The following CCDC190 variants were observed in gnomAD, a reference collection of about 807,000 sequenced individuals.
CCDC190 encodes the protein coiled-coil domain containing 190.
A neutral mutation model predicts 13.1 loss-of-function variants in CCDC190; 10 were observed. The ratio of observed to expected loss-of-function variants is 0.77; its 90% confidence interval spans 0.47 to 1.30. CCDC190 has a LOEUF of 1.30. Among genes scored for constraint, CCDC190 ranks in the 50% most tolerant of loss-of-function variants. CCDC190 has a pLI of 0.00. For missense variants in CCDC190, 375 were observed against 354.3 expected, an observed-to-expected ratio of 1.06 and a Z score of -0.47; for synonymous variants, 136 against 127.2, an observed-to-expected ratio of 1.07 and a Z score of -0.47.
At chr1:162,864,351 A>G (rs1490682772), upstream of CCDC190, among the ~76,000 whole-genome samples, 2 of 152,186 alleles carry the variant, frequency 1.3e-5, no homozygotes, top group Non-Finnish European at 2.9e-5. Context: ...TCAACAACAG[A>G]CCTACAGTTC....
In CCDC190 at chr1:162,860,989, C is replaced by G; in HGVS notation, c.-13+19G>C. 3 of 979,834 alleles carry G rather than the reference C, an allele frequency of 3.1e-6. No individual in the cohort carries two copies. Among genetic ancestry groups the G allele is most frequent in the Non-Finnish European group, 3.6e-6 (3 of 824,810 alleles). 60.7% of individuals were successfully genotyped at this position (979,834 alleles called of 1,614,324 possible). A position where few individuals can be genotyped will look rare whatever the true frequency, so the allele number is the denominator to read the frequency against. ...GTATAACTAAACTTTTATTAAAGAA[C>G]AGGGCCAGTAGAACTTACCTCCAAA... is the stretch of plus-strand genomic sequence containing the variant. On this transcript the variant is annotated intron_variant, in intron 1 of 3. Transcript: ENST00000367912.
intron 1 of CCDC190, among the ~76,000 whole-genome samples, chr1:162,866,822 C>T (rs2102266889): frequency 6.6e-6 from 1 of 151,736 alleles, no homozygotes; most frequent in South Asian, 2.1e-4. Context: ...GAAAGAAACA[C>T]CAATATAATT....
chr1:162,857,816 G>T (rs1052025562), intron 2 of CCDC190, among the ~76,000 whole-genome samples: 1 of 152,152 alleles, frequency 6.6e-6, no homozygotes. Flanking sequence ...TGGGCACCTT[G>T]AGGGCAGAGA....
In CCDC190 at chr1:162,855,030, G is replaced by A. The variant is rs369176927; in HGVS notation, c.641C>T (p.Ala214Val). The A allele has an allele frequency of 1.2e-5, 19 of 1,613,924 alleles. No individual in the cohort carries two copies. The highest frequency in any genetic ancestry group is 1.7e-5 in the Admixed American group (1 of 60,008). The change falls in exon 4 of 4, where the codon GCT becomes GTT. Residue 214 changes from alanine (A) to valine (V), a missense_variant. Transcript: ENST00000367912. ...CADETRSKDV[A>V]LKPDGNTGKQ... The stretch of plus-strand genomic sequence containing the variant: ...TCCAGTGTTCCCATCTGGCTTTAGA[G>A]CAACATCTTTTGATCTGGTCTCATC...
At chr1:162,855,419 C>T (rs979338024) in intron 3 of CCDC190, 60 bp from the exon 4 acceptor site, 9 of 1,521,858 alleles carry the variant, frequency 5.9e-6, no homozygotes, top group South Asian at 1.3e-5. Context: ...TTCTTTAGAC[C>T]TTTCAACTTA....
chr1:162,855,836 C>A, intron 2 of CCDC190, 81 bp from the exon 3 acceptor site: 2 of 1,294,694 alleles, frequency 1.5e-6, no homozygotes, highest in Non-Finnish European at 2.1e-6. Flanking sequence ...CCCCCAGTAC[C>A]TTAGGGTGGG....
intron 2 of CCDC190, among the ~76,000 whole-genome samples, chr1:162,856,183 C>T (rs538709959): frequency 7.0e-4 from 107 of 152,172 alleles, no homozygotes; most frequent in African/African-American, 2.5e-3. Context: ...CCCTAGAAAA[C>T]TAATATAAGA....
chr1:162,863,641 C>T (rs938245265), upstream of CCDC190, among the ~76,000 whole-genome samples: 2 of 152,132 alleles, frequency 1.3e-5, no homozygotes, highest in African/African-American at 4.8e-5. Flanking sequence ...AGCAACGAGG[C>T]AGGGGTTCCT....
chr1:162,859,757 C>T (rs1650433671), intron 1 of CCDC190, 99 bp from the exon 2 acceptor site: 1 of 934,268 alleles, frequency 1.1e-6, no homozygotes, highest in Middle Eastern at 2.3e-4. Context: ...CTGTGTATTT[C>T]TGAAACCACA....
At chr1:162,865,169 G>A (rs1168852628), upstream of CCDC190, among the ~76,000 whole-genome samples, 6 of 151,992 alleles carry the variant, frequency 3.9e-5, no homozygotes, top group East Asian at 1.2e-3. Context: ...AATAAAGAGG[G>A]TAATTTCTTA....
In CCDC190 at chr1:162,852,794, C is replaced by A; in HGVS notation, c.*1971G>T. The A allele has an allele frequency of 4.0e-6, 1 of 250,862 alleles. No homozygotes were observed. Among genetic ancestry groups the A allele is most frequent in the Non-Finnish European group, 7.7e-6 (1 of 129,778 alleles). 15.5% of individuals were successfully genotyped at this position (250,862 alleles called of 1,614,324 possible). On this transcript the variant is annotated 3_prime_UTR_variant, in exon 4 of 4. Coordinates refer to ENST00000367912, the MANE Select transcript of CCDC190 (RefSeq NM_001394065.1). Reference sequence around the variant, plus strand: ...CCTCCTGCCTTGTGATGGCCCCTTCCCGCTGTGAGAGCTAGTACAGTGAAA... The same window carrying A: ...CCTCCTGCCTTGTGATGGCCCCTTCACGCTGTGAGAGCTAGTACAGTGAAA...
chr1:162,855,619 A>G lies in CCDC190; in HGVS notation c.311+13T>C, dbSNP rs762512371. On this transcript the variant is annotated intron_variant, in intron 3 of 3. Coordinates refer to ENST00000367912, the MANE Select transcript of CCDC190 (RefSeq NM_001394065.1). ...TAATGTCATACCCATGGGTTTAGTA[A>G]TCCATTTCTTACCTCATTTTCTTAG... The G allele has an allele frequency of 1.9e-6, 3 of 1,612,768 alleles. No homozygotes were observed. Among genetic ancestry groups the G allele is most frequent in the East Asian group, 2.2e-5 (1 of 44,868 alleles).
At position 162,860,676 on chromosome 1, in the gene CCDC190, A is replaced by G. The variant is rs141162944; in HGVS notation, c.-13+332T>C. 5.7e-3 allele frequency among the ~76,000 whole-genome samples: 861 copies of G among 150,512 alleles called. 12 individuals carry two copies. The highest frequency in any genetic ancestry group is 0.02 in the African/African-American group (813 of 40,876). ...GGGTTCAACCGATTCTCCTGCCTCAACCTCCCTTGTAGCTTGGACTACAGG... is the reference window on the plus strand; with the variant it reads ...GGGTTCAACCGATTCTCCTGCCTCAGCCTCCCTTGTAGCTTGGACTACAGG... On this transcript the variant is annotated intron_variant, in intron 1 of 3. Transcript: ENST00000367912.
At chr1:162,861,773 T>C (rs1650527749), upstream of CCDC190, among the ~76,000 whole-genome samples, 2 of 152,186 alleles carry the variant, frequency 1.3e-5, no homozygotes, top group South Asian at 4.1e-4. Flanking sequence ...TATAACAAGA[T>C]ACTGAGTGGG....
chr1:162,853,252 T>C lies in CCDC190; in HGVS notation c.*1513A>G. 9.9e-7 allele frequency: 1 copy of C among 1,014,718 alleles called. No individual in the cohort carries two copies. Among genetic ancestry groups the C allele is most frequent in the Non-Finnish European group, 1.4e-6 (1 of 708,778 alleles). 62.9% of individuals were successfully genotyped at this position (1,014,718 alleles called of 1,614,324 possible). A position where few individuals can be genotyped will look rare whatever the true frequency, so the allele number is the denominator to read the frequency against. On this transcript the variant is annotated 3_prime_UTR_variant, in exon 4 of 4. Coordinates refer to ENST00000367912, the MANE Select transcript of CCDC190 (RefSeq NM_001394065.1). ...TAATGAAAGAGCATGAGCAAGGAAA[T>C]TGAGTAGAAGAGAGATCAAATGCTA... is the stretch of plus-strand genomic sequence containing the variant.
Position 162,851,492 on chromosome 1 carries a change from C to G in CCDC190, c.*3273G>C, listed in dbSNP as rs1238791383. ...TTCACCCTGAGAGGAGCTGGTCCCT[C>G]CAGTGTTCATGGTAAAAACTTACCC... On this transcript the variant is annotated 3_prime_UTR_variant, in exon 4 of 4. Coordinates refer to ENST00000367912, the MANE Select transcript of CCDC190 (RefSeq NM_001394065.1). 1.3e-5 allele frequency: 2 copies of G among 151,970 alleles called. No homozygotes were observed. The highest frequency in any genetic ancestry group is 2.4e-5 in the African/African-American group (1 of 41,306). The allele number at this position is 151,970 out of a possible 1,614,324, so 9.4% of individuals were successfully genotyped here. A position where few individuals can be genotyped will look rare whatever the true frequency, so the allele number is the denominator to read the frequency against.
chr1:162,857,013 A>G (rs1010111447), intron 2 of CCDC190, among the ~76,000 whole-genome samples: 2 of 152,116 alleles, frequency 1.3e-5, no homozygotes, highest in African/African-American at 4.8e-5. Flanking sequence ...ATGTTTCTCC[A>G]ATGTTCTCTC....
intron 2 of CCDC190, among the ~76,000 whole-genome samples, chr1:162,859,023 A>G (rs1325574035): frequency 6.6e-6 from 1 of 152,136 alleles, no homozygotes; most frequent in Non-Finnish European, 1.5e-5. Flanking sequence ...TTTAACTTTC[A>G]TAAAGTGGGC....
chr1:162,855,439 G>A (rs894063644), intron 3 of CCDC190, 80 bp from the exon 4 acceptor site: 22 of 1,494,378 alleles, frequency 1.5e-5, no homozygotes, highest in Non-Finnish European at 1.9e-5. Context: ...ATTAGGATGT[G>A]GCCCCCTTCA....
Sources: allele counts gnomAD v4.1 joint callset (sites outside exome capture counted in the v4.1 genomes callset), GRCh38; gene constraint gnomAD v4.1.1; transcripts MANE v1.5; gene names NCBI Gene and HGNC (gene_info 2026-07-23, HGNC 2026-07-21).